SLC26A7: variants seen among roughly 807,000 people sequenced by gnomAD.
The protein encoded by SLC26A7 is anion exchange transporter.
Under a neutral mutation model 82.5 loss-of-function variants are expected in SLC26A7, and 59 were observed. The ratio of observed to expected loss-of-function variants is 0.72; its 90% confidence interval spans 0.58 to 0.89. The LOEUF is 0.89. SLC26A7 is among the 40% of genes least tolerant of loss of function. The pLI, the probability that SLC26A7 is intolerant of heterozygous loss-of-function variation, is 0.00. For missense variants in SLC26A7, 820 were observed against 793.0 expected (o/e 1.03, Z -0.41); for synonymous variants, 271 against 274.3 (o/e 0.99, Z 0.12).
At chr8:91,314,890 G>C (rs1380391782) in intron 4 of SLC26A7, among the ~76,000 whole-genome samples, 4 of 152,078 alleles carry the variant, frequency 2.6e-5, no homozygotes, top group Non-Finnish European at 5.9e-5. Context: ...TACTTGAAAT[G>C]GTTGAATTCT....
chr8:91,384,205 A>C (rs1348732296), intron 15 of SLC26A7, among the ~76,000 whole-genome samples: 1 of 152,058 alleles, frequency 6.6e-6, no homozygotes, highest in Non-Finnish European at 1.5e-5. Flanking sequence ...CTAGAGGAGA[A>C]CTCATATCCT....
rs766135210 is a variant in SLC26A7, at chr8:91,249,945, A to C, written c.193+101A>C. 49 of 854,024 alleles carry C rather than the reference A, an allele frequency of 5.7e-5. No individual in the cohort carries two copies. In the South Asian group the frequency reaches 1.5e-3, roughly 26 times the overall value. 52.9% of individuals were successfully genotyped at this position (854,024 alleles called of 1,614,324 possible). A position where few individuals can be genotyped will look rare whatever the true frequency, so the allele number is the denominator to read the frequency against. On this transcript the variant is annotated intron_variant, in intron 2 of 18. Coordinates refer to ENST00000276609, the MANE Select transcript of SLC26A7 (RefSeq NM_052832.4). Reference sequence around the variant, plus strand: ...CTAGAATAAACAATTTAGCTAAATAAATGGATATTAGCTGTGGGGAAACAA... The same window carrying C: ...CTAGAATAAACAATTTAGCTAAATACATGGATATTAGCTGTGGGGAAACAA...
At chr8:91,337,270 T>C (rs1813269651) in intron 6 of SLC26A7, among the ~76,000 whole-genome samples, 1 of 152,200 alleles carries the variant, frequency 6.6e-6, no homozygotes, top group African/African-American at 2.4e-5. Flanking sequence ...AGATATTCCT[T>C]ATTTTGCTAG....
chr8:91,370,107 TCTC>T (rs1814312989), intron 15 of SLC26A7, among the ~76,000 whole-genome samples: 1 of 151,900 alleles, frequency 6.6e-6, no homozygotes, highest in African/African-American at 2.4e-5. Flanking sequence ...TCCCACTTCT[TCTC>T]CTGTCTTCTC....
intron 9 of SLC26A7, among the ~76,000 whole-genome samples, chr8:91,346,531 G>A (rs10088955): frequency 0.36 from 54,577 of 151,826 alleles, 10,473 homozygotes; most frequent in African/African-American, 0.47. Flanking sequence ...CATTTTTTAG[G>A]CTAATGACAA....
At chr8:91,331,352 A>C (rs1813075677) in intron 5 of SLC26A7, among the ~76,000 whole-genome samples, 1 of 152,166 alleles carries the variant, frequency 6.6e-6, no homozygotes, top group Non-Finnish European at 1.5e-5. Context: ...TAATGAATTT[A>C]ATGGATGTAG....
chr8:91,377,857 T>C (rs571302623), intron 15 of SLC26A7, among the ~76,000 whole-genome samples: 116 of 152,296 alleles, frequency 7.6e-4, no homozygotes, highest in African/African-American at 2.5e-3. Flanking sequence ...ATTAGGATTT[T>C]TGACAGGTAC....
At chr8:91,285,996 A>C (rs564536156) in intron 2 of SLC26A7, among the ~76,000 whole-genome samples, 32 of 152,338 alleles carry the variant, frequency 2.1e-4, no homozygotes, top group Non-Finnish European at 4.0e-4. Context: ...ACTGAAATAA[A>C]AATCTGAATT....
chr8:91,265,773 G>A (rs180761386), intron 2 of SLC26A7, among the ~76,000 whole-genome samples: 15 of 151,816 alleles, frequency 9.9e-5, no homozygotes, highest in Admixed American at 2.6e-4. Context: ...GTGTGCGCAC[G>A]CGCCTTTCTA....
chr8:91,261,097 A>C (rs1484812443), intron 2 of SLC26A7, among the ~76,000 whole-genome samples: 2 of 152,112 alleles, frequency 1.3e-5, no homozygotes, highest in Non-Finnish European at 2.9e-5. Context: ...CGTTGCCCAC[A>C]CAATTTGGGT....
At chr8:91,358,523 G>C (rs1217662685) in intron 11 of SLC26A7, among the ~76,000 whole-genome samples, 1 of 151,588 alleles carries the variant, frequency 6.6e-6, no homozygotes. Flanking sequence ...GTAGAGACGG[G>C]GTTTCTCCAT....
chr8:91,354,517 C>T (rs540767862), intron 11 of SLC26A7, among the ~76,000 whole-genome samples: 23 of 152,128 alleles, frequency 1.5e-4, no homozygotes, highest in Non-Finnish European at 2.9e-5. Context: ...GACTTGATTT[C>T]ATTATGAAGG....
At chr8:91,301,698 ATC>A (rs1812170638) in intron 4 of SLC26A7, among the ~76,000 whole-genome samples, 1 of 151,706 alleles carries the variant, frequency 6.6e-6, no homozygotes. Context: ...TCCTATTTCT[ATC>A]TCTGCTTTTA....
intron 2 of SLC26A7, among the ~76,000 whole-genome samples, chr8:91,240,565 A>C (rs1810460116): frequency 1.3e-5 from 2 of 152,122 alleles, no homozygotes; most frequent in African/African-American, 4.8e-5. Flanking sequence ...CCCTTTTCTT[A>C]TTATAGTACT....
intron 2 of SLC26A7, among the ~76,000 whole-genome samples, chr8:91,274,699 C>T (rs139201995): frequency 5.5e-4 from 84 of 152,282 alleles, no homozygotes; most frequent in African/African-American, 2.0e-3. Context: ...CAAACCATAG[C>T]AGAGTTGTTA....
chr8:91,267,861 A>G (rs1030642064), intron 2 of SLC26A7, among the ~76,000 whole-genome samples: 3 of 151,658 alleles, frequency 2.0e-5, no homozygotes, highest in Non-Finnish European at 4.4e-5. Flanking sequence ...AGATCTTTTT[A>G]CTTCTTGAAT....
intron 2 of SLC26A7, among the ~76,000 whole-genome samples, chr8:91,264,265 A>G (rs1471692873): frequency 3.9e-5 from 6 of 152,210 alleles, no homozygotes; most frequent in Middle Eastern, 3.4e-3. Context: ...CAACAAGCTC[A>G]AGCAAACTAA....
intron 1 of SLC26A7, among the ~76,000 whole-genome samples, chr8:91,211,842 G>C (rs1360724430): frequency 6.6e-6 from 1 of 151,748 alleles, no homozygotes. Context: ...GGGAGACACT[G>C]GATGATAAAT....
At chr8:91,284,742 T>C (rs1811665231) in intron 2 of SLC26A7, among the ~76,000 whole-genome samples, 1 of 152,224 alleles carries the variant, frequency 6.6e-6, no homozygotes, top group African/African-American at 2.4e-5. Context: ...TAACCTTCTT[T>C]AGAAACTAAA....
Sources: allele counts gnomAD v4.1 joint callset (sites outside exome capture counted in the v4.1 genomes callset), GRCh38; gene constraint gnomAD v4.1.1; transcripts MANE v1.5; gene names NCBI Gene and HGNC (gene_info 2026-07-23, HGNC 2026-07-21).